Variants in KLF12 observed in about 807,000 individuals in gnomAD.
KLF12 encodes Krueppel-like factor 12.
KLF12 carries 9 observed loss-of-function variants against 37.8 expected under a neutral mutation model. The observed-to-expected ratio is 0.24, with a 90% CI of 0.14 to 0.42. The LOEUF is 0.42. Ranked by LOEUF, KLF12 falls within the 10% of genes least tolerant of loss-of-function variation. The pLI, the probability that KLF12 is intolerant of heterozygous loss-of-function variation, is 1.00. For synonymous variants in KLF12, 208 were observed against 202.1 expected (o/e 1.03, Z -0.25); for missense variants, 411 against 516.0 (o/e 0.80, Z 1.97).
At chr13:74,212,268 A>C in the KLF12 span, among the ~76,000 whole-genome samples, 4 of 152,212 alleles carry the variant, frequency 2.6e-5, no homozygotes, top group Non-Finnish European at 4.4e-5. Flanking sequence ...TAATTATATC[A>C]TTAAAACAGT....
At chr13:74,112,910 A>G (rs1015008542) in intron 1 of KLF12, among the ~76,000 whole-genome samples, 12 of 152,204 alleles carry the variant, frequency 7.9e-5, no homozygotes, top group African/African-American at 2.7e-4. Flanking sequence ...ATGCCAAGCA[A>G]AAGTTCCAGA....
intron 2 of KLF12, among the ~76,000 whole-genome samples, chr13:73,992,102 A>G (rs552813184): frequency 3.9e-5 from 6 of 152,372 alleles, no homozygotes; most frequent in Non-Finnish European, 8.8e-5. Context: ...GGACTAATGT[A>G]TATGTGGGAT....
At chr13:74,125,025 G>C (rs893107562) in intron 1 of KLF12, among the ~76,000 whole-genome samples, 7 of 151,654 alleles carry the variant, frequency 4.6e-5, no homozygotes, top group African/African-American at 1.7e-4. Context: ...ACACACCTGA[G>C]TCCCACCTAC....
At chr13:74,080,456 C>T (rs1423720794) in intron 1 of KLF12, among the ~76,000 whole-genome samples, 1 of 150,752 alleles carries the variant, frequency 6.6e-6, no homozygotes, top group Non-Finnish European at 1.5e-5. Context: ...GCCTATTGCA[C>T]AACACTGTGA....
intron 6 of KLF12, among the ~76,000 whole-genome samples, chr13:73,737,540 T>C (rs1433650947): frequency 6.6e-6 from 1 of 152,184 alleles, no homozygotes; most frequent in Non-Finnish European, 1.5e-5. Context: ...GATTCTAGTA[T>C]ACTAAAATGT....
At chr13:73,778,635 G>C (rs1028149650) in intron 5 of KLF12, among the ~76,000 whole-genome samples, 3 of 152,134 alleles carry the variant, frequency 2.0e-5, no homozygotes, top group Non-Finnish European at 2.9e-5. Context: ...AAAGTGCTGG[G>C]ATTACAAGCG....
At chr13:73,953,889 C>T (rs1283262170) in intron 2 of KLF12, among the ~76,000 whole-genome samples, 1 of 151,562 alleles carries the variant, frequency 6.6e-6, no homozygotes, top group Admixed American at 6.6e-5. Context: ...AGCAAGCAAC[C>T]TTAATTTTTT....
chr13:74,066,884 T>A (rs1374677962), intron 1 of KLF12, among the ~76,000 whole-genome samples: 1 of 152,156 alleles, frequency 6.6e-6, no homozygotes, highest in Non-Finnish European at 1.5e-5. Context: ...AAAGGAAATA[T>A]ACAGCTTTAA....
chr13:73,842,031 G>A (rs1884764759), intron 4 of KLF12, among the ~76,000 whole-genome samples: 2 of 152,122 alleles, frequency 1.3e-5, no homozygotes, highest in Non-Finnish European at 1.5e-5. Context: ...CATTGCTTTA[G>A]ATCACTATTC....
intron 1 of KLF12, among the ~76,000 whole-genome samples, chr13:74,040,845 T>C (rs1893382642): frequency 6.6e-6 from 1 of 152,196 alleles, no homozygotes; most frequent in Non-Finnish European, 1.5e-5. Flanking sequence ...GCTTTTCTGA[T>C]TTCCATCTGC....
chr13:74,045,560 A>G (rs550723471), intron 1 of KLF12, among the ~76,000 whole-genome samples: 35 of 152,060 alleles, frequency 2.3e-4, no homozygotes, highest in Non-Finnish European at 2.4e-4. Flanking sequence ...AGATCTGAAT[A>G]AAGTACAGTA....
the KLF12 span, among the ~76,000 whole-genome samples, chr13:74,299,380 A>G: frequency 0.04 from 6,163 of 152,208 alleles, 263 homozygotes; most frequent in African/African-American, 0.096. Flanking sequence ...CTTTCACCCT[A>G]TATATGCTTT....
At chr13:73,928,293 G>A (rs1211791183) in intron 3 of KLF12, among the ~76,000 whole-genome samples, 3 of 152,196 alleles carry the variant, frequency 2.0e-5, no homozygotes, top group Non-Finnish European at 1.5e-5. Context: ...AGTGTTAGAA[G>A]TTCTAGGCGA....
chr13:74,188,468 C>A, the KLF12 span, among the ~76,000 whole-genome samples: 108,049 of 152,014 alleles, frequency 0.71, 38,765 homozygotes, highest in East Asian at 0.87. Flanking sequence ...TATCTTTACT[C>A]AGTTGAAAAT....
intron 1 of KLF12, among the ~76,000 whole-genome samples, chr13:74,106,566 T>C (rs1271206751): frequency 1.3e-5 from 2 of 152,178 alleles, no homozygotes; most frequent in African/African-American, 4.8e-5. Context: ...TTTCTGGAGA[T>C]AAAAATCAGT....
chr13:74,092,040 A>G (rs1875696378), intron 1 of KLF12, among the ~76,000 whole-genome samples: 1 of 151,346 alleles, frequency 6.6e-6, no homozygotes, highest in Non-Finnish European at 1.5e-5. Flanking sequence ...CTGTAATCCC[A>G]GCACTTTGGG....
chr13:74,163,647 C>T, the KLF12 span, among the ~76,000 whole-genome samples: 1 of 151,918 alleles, frequency 6.6e-6, no homozygotes, highest in Non-Finnish European at 1.5e-5. Flanking sequence ...GAAGTAAGAC[C>T]TACCATTTGA....
At chr13:73,887,008 A>C (rs936694562) in intron 3 of KLF12, among the ~76,000 whole-genome samples, 4 of 144,050 alleles carry the variant, frequency 2.8e-5, no homozygotes, top group African/African-American at 5.2e-5. Context: ...AAAAAAAAAA[A>C]CAAGAAAAGA....
At chr13:74,110,908 A>G (rs1394485445) in intron 1 of KLF12, among the ~76,000 whole-genome samples, 2 of 152,254 alleles carry the variant, frequency 1.3e-5, no homozygotes, top group African/African-American at 2.4e-5. Flanking sequence ...TATAAGTTAC[A>G]TTGGAAGGCT....
Sources: gnomAD v4.1 joint callset for allele counts (sites outside exome capture counted in the v4.1 genomes callset) on GRCh38, gnomAD v4.1.1 for gene constraint, MANE v1.5 for transcripts, NCBI Gene and HGNC (gene_info 2026-07-23, HGNC 2026-07-21) for gene names.